SEMA3E: variants seen among roughly 807,000 people sequenced by gnomAD.
SEMA3E encodes semaphorin 3E.
SEMA3E carries 49 observed loss-of-function variants against 93.6 expected under a neutral mutation model. That is an observed-to-expected ratio of 0.52 (90% CI 0.42 to 0.66). The LOEUF is 0.66. Among genes scored for constraint, SEMA3E ranks in the 30% least tolerant of loss-of-function variants. The probability of loss-of-function intolerance (pLI) is 0.00; values close to 1 mark genes in which losing one functional copy is unlikely to be tolerated. For missense variants in SEMA3E, 906 were observed against 964.8 expected (o/e 0.94, Z 0.81); for synonymous variants, 363 against 330.7 (o/e 1.10, Z -1.06).
chr7:83,490,277 G>T lies in SEMA3E; in HGVS notation c.116-3C>A. 1 of 1,611,100 alleles carries T rather than the reference G, an allele frequency of 6.2e-7. No homozygotes were observed. ...TGTTCTGTTCAGATTCAAGAGCTCT[G>T]AAATGCAAAGTGATACATACACTAA... On this transcript the variant is annotated splice_region_variant and splice_polypyrimidine_tract_variant and intron_variant, in intron 1 of 16. Transcript: ENST00000643230.
In SEMA3E at chr7:83,363,276, G is replaced by T. The variant is rs149174440; in HGVS notation, c.*4310C>A. ...AAATATTTATTTCTTTTTCATCGAAGTTGAGCCAAATAGAGATTGTACATA... is the reference window on the plus strand; with the variant it reads ...AAATATTTATTTCTTTTTCATCGAATTTGAGCCAAATAGAGATTGTACATA... On this transcript the variant is annotated 3_prime_UTR_variant, in exon 17 of 17. Coordinates refer to ENST00000643230, the MANE Select transcript of SEMA3E (RefSeq NM_012431.3). 31 of 152,316 alleles carry T rather than the reference G, an allele frequency of 2.0e-4. No individual in the cohort carries two copies. In the East Asian group the frequency reaches 5.6e-3, roughly 27 times the overall value. The allele number at this position is 152,316 out of a possible 1,614,324, so 9.4% of individuals were successfully genotyped here. A position where few individuals can be genotyped will look rare whatever the true frequency, so the allele number is the denominator to read the frequency against.
At chr7:83,404,000 G>A (rs1046942142) in intron 9 of SEMA3E, among the ~76,000 whole-genome samples, 1 of 151,780 alleles carries the variant, frequency 6.6e-6, no homozygotes, top group Admixed American at 6.6e-5. Flanking sequence ...TATCATTTAG[G>A]AAAATAGCTT....
intron 1 of SEMA3E, among the ~76,000 whole-genome samples, chr7:83,557,122 G>T (rs1036631577): frequency 6.6e-6 from 1 of 151,888 alleles, no homozygotes; most frequent in Non-Finnish European, 1.5e-5. Flanking sequence ...ATAAATGTAA[G>T]GAATATAATA....
rs530044702 is a variant in SEMA3E, at chr7:83,644,399, T to C, written c.115+4029A>G. 3.9e-5 allele frequency among the ~76,000 whole-genome samples: 6 copies of C among 152,066 alleles called. No homozygotes were observed. In the East Asian group the frequency reaches 1.2e-3, roughly 29 times the overall value. On this transcript the variant is annotated intron_variant, in intron 1 of 16. Coordinates refer to ENST00000643230, the MANE Select transcript of SEMA3E (RefSeq NM_012431.3). ...ATATTAGCATTATCCTAGCACTTGT[T>C]GAAATATAAACTCATAACATTTTCA...
chr7:83,572,867 T>A (rs1042019043), intron 1 of SEMA3E, among the ~76,000 whole-genome samples: 3 of 152,008 alleles, frequency 2.0e-5, no homozygotes, highest in African/African-American at 7.2e-5. Flanking sequence ...ATACAAGAAT[T>A]AACTCAAGAT....
intron 4 of SEMA3E, among the ~76,000 whole-genome samples, chr7:83,423,994 C>A (rs931023378): frequency 4.6e-5 from 7 of 151,858 alleles, no homozygotes; most frequent in Non-Finnish European, 7.4e-5. Flanking sequence ...AATTTATTAG[C>A]CCATTAATTT....
In SEMA3E at chr7:83,400,241, T is replaced by C. The variant is rs1168357307; in HGVS notation, c.1153A>G (p.Lys385Glu). Residue 385 changes from lysine to glutamate, a missense_variant, in exon 11 of 17, where the codon AAA becomes GAA. By Grantham distance (56) the Lys-to-Glu change is moderately conservative. Coordinates refer to ENST00000643230, the MANE Select transcript of SEMA3E (RefSeq NM_012431.3). ...PYPRPGSCAS[K>E]VNGGRYGTTK... is the part of the protein sequence containing the mutation. The stretch of plus-strand genomic sequence containing the variant: ...GTTCCGTATCTCCCTCCATTTACTT[T>C]GCTGGCACACTGAAAAACAAGTGGA... 1 of 1,613,984 alleles carries C rather than the reference T, an allele frequency of 6.2e-7. No homozygotes were observed. Among genetic ancestry groups the C allele is most frequent in the Non-Finnish European group, 8.5e-7 (1 of 1,179,904 alleles).
chr7:83,599,376 A>G (rs2115975215), intron 1 of SEMA3E, among the ~76,000 whole-genome samples: 1 of 152,310 alleles, frequency 6.6e-6, no homozygotes, highest in East Asian at 1.9e-4. Context: ...ATGTGAATAT[A>G]AGACACAGGA....
Position 83,367,580 on chromosome 7 carries a change from A to G in SEMA3E, c.*6T>C. ...TCTTCAAAAGACAGTAGATAGTCTC[A>G]CCCCATCAGGAGTCCAGCGTGTGCC... On this transcript the variant is annotated 3_prime_UTR_variant, in exon 17 of 17. Coordinates refer to ENST00000643230, the MANE Select transcript of SEMA3E (RefSeq NM_012431.3). 1 of 1,613,562 alleles carries G rather than the reference A, an allele frequency of 6.2e-7. No homozygotes were observed. Among genetic ancestry groups the G allele is most frequent in the Non-Finnish European group, 8.5e-7 (1 of 1,179,594 alleles).
intron 1 of SEMA3E, among the ~76,000 whole-genome samples, chr7:83,642,696 G>A (rs1379601025): frequency 6.6e-6 from 1 of 151,960 alleles, no homozygotes; most frequent in Non-Finnish European, 1.5e-5. Context: ...CTTTGTATAA[G>A]GTACAGAGTA....
At chr7:83,554,601 A>G (rs1283684753) in intron 1 of SEMA3E, among the ~76,000 whole-genome samples, 1 of 152,152 alleles carries the variant, frequency 6.6e-6, no homozygotes, top group Non-Finnish European at 1.5e-5. Flanking sequence ...ATGTAATATC[A>G]AAAGAAGAAA....
At chr7:83,401,037 T>C (rs552672473) in intron 10 of SEMA3E, among the ~76,000 whole-genome samples, 181 of 152,234 alleles carry the variant, frequency 1.2e-3, no homozygotes, top group African/African-American at 4.2e-3. Flanking sequence ...CTGTTAATTA[T>C]CAATGGCAAA....
intron 2 of SEMA3E, among the ~76,000 whole-genome samples, chr7:83,485,012 C>T (rs1790223855): frequency 6.6e-6 from 1 of 152,154 alleles, no homozygotes; most frequent in Non-Finnish European, 1.5e-5. Context: ...TGTATAACCA[C>T]ATTGGAAAGC....
chr7:83,615,732 T>G (rs1243277323), intron 1 of SEMA3E, among the ~76,000 whole-genome samples: 1 of 152,142 alleles, frequency 6.6e-6, no homozygotes, highest in Non-Finnish European at 1.5e-5. Context: ...GTAATACTTC[T>G]ATTGCTGTAA....
chr7:83,462,778 G>A (rs1789656162), intron 4 of SEMA3E, among the ~76,000 whole-genome samples: 2 of 142,686 alleles, frequency 1.4e-5, no homozygotes, highest in South Asian at 4.7e-4. Flanking sequence ...AACCAGACAA[G>A]CCTTACAAGT....
At chr7:83,557,243 T>C (rs905636184) in intron 1 of SEMA3E, among the ~76,000 whole-genome samples, 3 of 151,866 alleles carry the variant, frequency 2.0e-5, no homozygotes, top group African/African-American at 4.8e-5. Flanking sequence ...AATTAAATGC[T>C]TTGGCATTAA....
intron 1 of SEMA3E, among the ~76,000 whole-genome samples, chr7:83,588,569 C>T (rs1284095043): frequency 6.6e-6 from 1 of 152,134 alleles, no homozygotes; most frequent in East Asian, 1.9e-4. Context: ...GCAATGCCAT[C>T]TGTTAATACT....
intron 1 of SEMA3E, among the ~76,000 whole-genome samples, chr7:83,526,950 C>T (rs1370687645): frequency 6.6e-6 from 1 of 151,536 alleles, no homozygotes; most frequent in Non-Finnish European, 1.5e-5. Context: ...ATGTTCAAGC[C>T]CCAACCCCCA....
At chr7:83,586,115 TG>T (rs1792621788) in intron 1 of SEMA3E, among the ~76,000 whole-genome samples, 1 of 152,174 alleles carries the variant, frequency 6.6e-6, no homozygotes, top group Non-Finnish European at 1.5e-5. Flanking sequence ...GACATCATTC[TG>T]GTGTAGCCTA....
Sources: gnomAD v4.1 joint callset for allele counts (sites outside exome capture counted in the v4.1 genomes callset) on GRCh38, gnomAD v4.1.1 for gene constraint, MANE v1.5 for transcripts, NCBI Gene and HGNC (gene_info 2026-07-23, HGNC 2026-07-21) for gene names.